Variants in FMO1 observed in about 807,000 individuals in gnomAD.
FMO1 encodes flavin-containing monooxygenase 1.
A neutral mutation model predicts 45.4 loss-of-function variants in FMO1; 36 were observed. The observed-to-expected ratio is 0.79, with a 90% CI of 0.61 to 1.05. The LOEUF (loss-of-function observed/expected upper bound fraction) is 1.05, where lower values mean the gene tolerates loss of function less well. Ranked by LOEUF, FMO1 falls within the 50% of genes least tolerant of loss-of-function variation. The pLI is 0.00. For synonymous variants in FMO1, 228 were observed against 227.2 expected (o/e 1.00, Z -0.03); for missense variants, 615 against 640.3 (o/e 0.96, Z 0.43).
In FMO1 at chr1:171,267,560, C is replaced by T; in HGVS notation, c.150C>T (p.Gly50=). 1 of 1,605,906 alleles carries T rather than the reference C, an allele frequency of 6.2e-7. No homozygotes were observed. The highest frequency in any genetic ancestry group is 8.5e-7 in the Non-Finnish European group (1 of 1,176,500). The change falls in exon 3 of 9, where the codon GGC becomes GGT. Residue 50 remains glycine (G), a synonymous_variant. Transcript: ENST00000617670. ...LWRFTEHVEE[G]RASLYKSVVS... ...TTGTACAGGAACATGTTGAAGAAGG[C>T]AGAGCCAGTCTCTACAAGTCTGTGG...
chr1:171,282,396 A>G, intron 7 of FMO1, 63 bp downstream of exon 7: 1 of 1,027,284 alleles, frequency 9.7e-7, no homozygotes, highest in Non-Finnish European at 1.5e-6. Flanking sequence ...GATACTGGAA[A>G]TGTTGAGACT....
intron 1 of FMO1, chr1:171,253,763 A>G (rs28384832): frequency 0.012 from 1,844 of 152,332 alleles, 29 homozygotes; most frequent in African/African-American, 0.042. Flanking sequence ...CTCCATCTCA[A>G]AAATAATAAT....
Position 171,280,938 on chromosome 1 carries a change from A to G in FMO1, c.780A>G (p.Ile260Met). ...PIVTWLMERK[I>M]NNWLNHANYG... ...TGACTTGGTTGATGGAGCGAAAGAT[A>G]AACAACTGGCTCAATCATGCAAATT... Residue 260 changes from isoleucine (I) to methionine (M), a missense_variant, in exon 6 of 9, where the codon ATA (isoleucine) becomes ATG (methionine). Transcript: ENST00000617670. 1 of 1,613,920 alleles carries G rather than the reference A, an allele frequency of 6.2e-7. No homozygotes were observed. The highest frequency in any genetic ancestry group is 8.5e-7 in the Non-Finnish European group (1 of 1,179,856).
At chr1:171,284,389 G>A (rs1661529913) in intron 8 of FMO1, among the ~76,000 whole-genome samples, 1 of 152,048 alleles carries the variant, frequency 6.6e-6, no homozygotes, top group South Asian at 2.1e-4. Context: ...CAGTGTAATA[G>A]ATAACTAATT....
chr1:171,282,390 C>T, intron 7 of FMO1, 57 bp downstream of exon 7: 1 of 1,139,780 alleles, frequency 8.8e-7, no homozygotes, highest in Admixed American at 2.2e-5. Context: ...ATTCTGGATA[C>T]TGGAAATGTT....
chr1:171,264,668 T>C (rs1660531710), intron 2 of FMO1, among the ~76,000 whole-genome samples: 1 of 151,916 alleles, frequency 6.6e-6, no homozygotes. Flanking sequence ...GAAGGGCGGA[T>C]CACGAGGTCA....
intron 1 of FMO1, among the ~76,000 whole-genome samples, chr1:171,257,278 T>C (rs879425593): frequency 1.3e-5 from 2 of 152,160 alleles, no homozygotes; most frequent in Non-Finnish European, 2.9e-5. Flanking sequence ...CTGTTGCCTC[T>C]CGGTGTTCTT....
chr1:171,258,179 T>C lies in FMO1; in HGVS notation c.92T>C (p.Phe31Ser), dbSNP rs2101799708. 6.2e-7 allele frequency: 1 copy of C among 1,614,072 alleles called. No individual in the cohort carries two copies. The highest frequency in any genetic ancestry group is 8.5e-7 in the Non-Finnish European group (1 of 1,180,020). The change falls in exon 2 of 9, where the codon TTT (phenylalanine) becomes TCT (serine). Residue 31 changes from phenylalanine (F) to serine (S), a missense_variant. Phe to Ser is a radical substitution (Grantham distance 155). Transcript: ENST00000617670. ...CLEEGLEPTC[F>S]ERSDDLGGLW... is the part of the protein sequence containing the mutation. ...GAAGAAGGACTGGAGCCCACCTGCT[T>C]TGAGAGGAGCGATGACCTTGGGGGG... is the stretch of plus-strand genomic sequence containing the variant.
chr1:171,258,498 G>T (rs1660255937), intron 2 of FMO1, among the ~76,000 whole-genome samples: 2 of 152,206 alleles, frequency 1.3e-5, no homozygotes. Context: ...GAGTAACTGG[G>T]CCAGGCCAGG....
chr1:171,252,023 C>T (rs1417790171), intron 1 of FMO1, among the ~76,000 whole-genome samples: 2 of 152,108 alleles, frequency 1.3e-5, no homozygotes, highest in African/African-American at 4.8e-5. Flanking sequence ...TTCACCCCAA[C>T]AAAATCCCCT....
At chr1:171,260,742 T>A (rs2101803659) in intron 2 of FMO1, among the ~76,000 whole-genome samples, 1 of 151,208 alleles carries the variant, frequency 6.6e-6, no homozygotes, top group Middle Eastern at 3.4e-3. Flanking sequence ...ACCAGCCTGG[T>A]CAACATGGCG....
chr1:171,282,594 A>C, intron 7 of FMO1: 10 of 327,516 alleles, frequency 3.1e-5, no homozygotes, highest in East Asian at 1.0e-4. Flanking sequence ...TATCTATGTC[A>C]ACTGTGATAT....
intron 3 of FMO1, chr1:171,270,405 G>A (rs1660800268): frequency 5.5e-6 from 1 of 180,536 alleles, no homozygotes; most frequent in Admixed American, 6.5e-5. Context: ...GATAAACACT[G>A]TAATAATTCA....
intron 5 of FMO1, among the ~76,000 whole-genome samples, chr1:171,280,565 TC>T (rs1469755248): frequency 1.3e-5 from 2 of 152,198 alleles, no homozygotes; most frequent in East Asian, 3.8e-4. Flanking sequence ...CAATAATATG[TC>T]TTAAGGCATT....
Position 171,258,133 on chromosome 1 carries a change from G to A in FMO1, c.46G>A (p.Ala16Thr), listed in dbSNP as rs1462715884. The change falls in exon 2 of 9, where the codon GCC becomes ACC. Residue 16 changes from alanine (A) to threonine (T), a missense_variant. Coordinates refer to ENST00000617670, the MANE Select transcript of FMO1 (RefSeq NM_001282693.2). ...TGTGGGAGCTGGGGTCAGCGGCCTG[G>A]CCTCCATCAAGTGCTGTCTGGAAGA... ...AIVGAGVSGL[A>T]SIKCCLEEGL... 4 of 1,614,054 alleles carry A rather than the reference G, an allele frequency of 2.5e-6. No homozygotes were observed. The highest frequency in any genetic ancestry group is 1.1e-5 in the South Asian group (1 of 91,092).
intron 1 of FMO1, among the ~76,000 whole-genome samples, chr1:171,256,162 A>G (rs557010795): frequency 3.3e-4 from 50 of 150,232 alleles, no homozygotes; most frequent in African/African-American, 1.1e-3. Context: ...AGTCCCAGCT[A>G]TTCAGGAGGC....
intron 1 of FMO1, among the ~76,000 whole-genome samples, chr1:171,252,467 TTCCC>T (rs1659937072): frequency 6.6e-6 from 1 of 152,200 alleles, no homozygotes; most frequent in Non-Finnish European, 1.5e-5. Flanking sequence ...CCTCGTCTCT[TTCCC>T]TAGGGCCAAA....
Position 171,276,552 on chromosome 1 carries a change from T to C in FMO1, c.484+1044T>C, listed in dbSNP as rs1661116588. On this transcript the variant is annotated intron_variant, in intron 4 of 8. Coordinates refer to ENST00000617670, the MANE Select transcript of FMO1 (RefSeq NM_001282693.2). ...CTCCAAAATTCCAGAAAGGAGTACCTAGTCACTGCAAGAATCCAGAAAGTT... is the reference window on the plus strand; with the variant it reads ...CTCCAAAATTCCAGAAAGGAGTACCCAGTCACTGCAAGAATCCAGAAAGTT... Among the ~76,000 whole-genome samples, 3 of 152,166 alleles carry C rather than the reference T, an allele frequency of 2.0e-5. No homozygotes were observed. The South Asian group carries it at 6.2e-4, about 31-fold the overall frequency.
Position 171,250,424 on chromosome 1 carries a change from C to A in FMO1, c.-7+1801C>A, listed in dbSNP as rs960538286. 1.1e-4 allele frequency among the ~76,000 whole-genome samples: 17 copies of A among 152,352 alleles called. No homozygotes were observed. The South Asian group carries it at 2.5e-3, about 22-fold the overall frequency. ...ACTGACATCAAGAATCACTGTGCTT[C>A]TTCAAAATTTTAAAATAGCTCAGAG... On this transcript the variant is annotated intron_variant, in intron 1 of 8. Coordinates refer to ENST00000617670, the MANE Select transcript of FMO1 (RefSeq NM_001282693.2).
Sources: gnomAD v4.1 joint callset for allele counts (sites outside exome capture counted in the v4.1 genomes callset) on GRCh38, gnomAD v4.1.1 for gene constraint, MANE v1.5 for transcripts, NCBI Gene and HGNC (gene_info 2026-07-23, HGNC 2026-07-21) for gene names.